The following ANXA8 variants were observed in gnomAD, a reference collection of about 807,000 sequenced individuals.
The protein encoded by ANXA8 is annexin A8.
In ANXA8, 9 loss-of-function variants were observed where a neutral mutation model predicts 26.8. The observed-to-expected ratio is 0.34, with a 90% CI of 0.20 to 0.59. The LOEUF is 0.59. ANXA8 is among the 20% of genes least tolerant of loss of function. The pLI is 0.84. For synonymous variants in ANXA8, 39 were observed against 94.8 expected, an observed-to-expected ratio of 0.41 and a Z score of 3.42; for missense variants, 83 against 238.5, an observed-to-expected ratio of 0.35 and a Z score of 4.29.
chr10:47,617,296 G>A, the ANXA8 span, among the ~76,000 whole-genome samples: 18 of 151,010 alleles, frequency 1.2e-4, no homozygotes, highest in Middle Eastern at 3.4e-3. Context: ...CATCATATTG[G>A]GAGGCTTCAT....
the ANXA8 span, among the ~76,000 whole-genome samples, chr10:47,902,460 GA>G: frequency 1.1e-5 from 1 of 93,484 alleles, no homozygotes; most frequent in Non-Finnish European, 2.2e-5. Context: ...TCATGTGAAC[GA>G]AAAAAATTTT....
At chr10:47,734,891 C>G in the ANXA8 span, among the ~76,000 whole-genome samples, 1 of 125,886 alleles carries the variant, frequency 7.9e-6, no homozygotes, top group Non-Finnish European at 1.6e-5. Flanking sequence ...TGGTGGTGCA[C>G]ACCTGTAATC....
At chr10:47,643,586 AT>A in the ANXA8 span, among the ~76,000 whole-genome samples, 24 of 148,022 alleles carry the variant, frequency 1.6e-4, 2 homozygotes, top group African/African-American at 6.3e-4. Context: ...TCATTGCATT[AT>A]TTTTAAAAAA....
chr10:47,776,192 G>C, the ANXA8 span, among the ~76,000 whole-genome samples: 1 of 150,928 alleles, frequency 6.6e-6, no homozygotes, highest in Non-Finnish European at 1.5e-5. Flanking sequence ...TTTCAATTCT[G>C]GTTCAAATCC....
At chr10:47,704,751 A>G in the ANXA8 span, among the ~76,000 whole-genome samples, 1 of 152,062 alleles carries the variant, frequency 6.6e-6, no homozygotes, top group Non-Finnish European at 1.5e-5. Context: ...GACTAACAAT[A>G]ACAAAGGAAG....
the ANXA8 span, chr10:47,510,182 C>T: frequency 7.3e-7 from 1 of 1,362,146 alleles, no homozygotes; most frequent in South Asian, 1.3e-5. Flanking sequence ...ATATTATTGT[C>T]ATTGTAAGAT....
chr10:47,523,047 C>G, the ANXA8 span: 1 of 537,776 alleles, frequency 1.9e-6, no homozygotes, highest in East Asian at 3.7e-5. Flanking sequence ...TGGTCCCATG[C>G]CAGCCTGGGA....
intron 1 of ANXA8, among the ~76,000 whole-genome samples, chr10:47,482,167 G>A (rs1466568663): frequency 3.0e-5 from 4 of 135,482 alleles, no homozygotes; most frequent in Middle Eastern, 3.6e-3. Context: ...CTGGGTCTTC[G>A]CTAGCAGCTC....
At chr10:47,619,407 A>G in the ANXA8 span, among the ~76,000 whole-genome samples, 1 of 112,506 alleles carries the variant, frequency 8.9e-6, no homozygotes, top group African/African-American at 3.5e-5. Context: ...AGTGTTCTGG[A>G]GTTACTGATC....
At chr10:47,605,759 AAAG>A in the ANXA8 span, among the ~76,000 whole-genome samples, 1 of 150,154 alleles carries the variant, frequency 6.7e-6, no homozygotes, top group East Asian at 1.9e-4. Context: ...GTAAAGAGAA[AAAG>A]AAGGAGATAG....
chr10:47,622,195 A>G, the ANXA8 span, among the ~76,000 whole-genome samples: 3 of 112,984 alleles, frequency 2.7e-5, no homozygotes, highest in Non-Finnish European at 3.9e-5. Flanking sequence ...TATAGTGTGC[A>G]TGGTACATGC....
chr10:47,747,029 G>A, the ANXA8 span, among the ~76,000 whole-genome samples: 1 of 133,754 alleles, frequency 7.5e-6, no homozygotes, highest in Admixed American at 7.8e-5. Context: ...TTTTTAAAAA[G>A]TTTTTGGAAA....
chr10:47,682,749 C>T, the ANXA8 span, among the ~76,000 whole-genome samples: 1 of 152,110 alleles, frequency 6.6e-6, no homozygotes, highest in African/African-American at 2.4e-5. Context: ...GGATTACAGG[C>T]ATGACCCACT....
At chr10:47,487,042 C>T (rs1269481709), upstream of ANXA8, among the ~76,000 whole-genome samples, 83 of 146,058 alleles carry the variant, frequency 5.7e-4, no homozygotes, top group East Asian at 2.0e-3. Flanking sequence ...GTACCCAACA[C>T]ATAGTAATAC....
the ANXA8 span, among the ~76,000 whole-genome samples, chr10:47,949,405 A>G: frequency 1.3e-5 from 2 of 149,698 alleles, no homozygotes; most frequent in East Asian, 2.1e-4. Flanking sequence ...CCTCACACTA[A>G]CAAATATAAT....
the ANXA8 span, among the ~76,000 whole-genome samples, chr10:47,777,330 GT>G: frequency 5.5e-4 from 84 of 151,750 alleles, no homozygotes; most frequent in African/African-American, 1.9e-3. Flanking sequence ...TTTTATTTTT[GT>G]TTTTTTAGAC....
At chr10:47,684,050 T>C in the ANXA8 span, among the ~76,000 whole-genome samples, 10 of 151,934 alleles carry the variant, frequency 6.6e-5, no homozygotes, top group Admixed American at 1.3e-4. Context: ...TAAAGGATTA[T>C]GGTTGTATTG....
At chr10:47,714,363 A>G in the ANXA8 span, among the ~76,000 whole-genome samples, 1 of 147,820 alleles carries the variant, frequency 6.8e-6, no homozygotes, top group Non-Finnish European at 1.5e-5. Flanking sequence ...TAGTGAAAGA[A>G]ACTAAGGAGA....
the ANXA8 span, among the ~76,000 whole-genome samples, chr10:47,954,400 G>A: frequency 6.6e-6 from 1 of 151,212 alleles, no homozygotes; most frequent in African/African-American, 2.4e-5. Context: ...CTGGGAAAAG[G>A]TTGTGGGTGT....
Sources: allele counts gnomAD v4.1 joint callset (sites outside exome capture counted in the v4.1 genomes callset), GRCh38; gene constraint gnomAD v4.1.1; transcripts MANE v1.5; gene names NCBI Gene and HGNC (gene_info 2026-07-23, HGNC 2026-07-21).